The following SFMBT2 variants were observed in gnomAD, a reference collection of about 807,000 sequenced individuals.
SFMBT2 encodes the protein scm-like with four MBT domains protein 2.
A neutral mutation model predicts 110.1 loss-of-function variants in SFMBT2; 38 were observed. The ratio of observed to expected loss-of-function variants is 0.35; its 90% CI spans 0.27 to 0.45. The LOEUF (loss-of-function observed/expected upper bound fraction) is 0.45, where lower values mean the gene tolerates loss of function less well. SFMBT2 is among the 20% of genes least tolerant of loss of function. The pLI is 1.00. For synonymous variants in SFMBT2, 425 were observed against 425.4 expected (o/e 1.00, Z 0.01); for missense variants, 1,011 against 1,094.9 (o/e 0.92, Z 1.08).
rs986787219 is a variant in SFMBT2 at position 7,170,670 on chromosome 10, G to C, written c.2544+258C>G. On this transcript the variant is annotated intron_variant, in intron 20 of 20. Transcript: ENST00000397167. The surrounding 1 kb of genome is among the most constrained non-coding windows in gnomAD (Gnocchi z 4.6). ...CCACCCCTGCTGGGTGGTGTCACTAGAGCCTGGAAGAGTCACCCCTCCGCC... is the reference window on the plus strand; with the variant it reads ...CCACCCCTGCTGGGTGGTGTCACTACAGCCTGGAAGAGTCACCCCTCCGCC... 6.6e-6 allele frequency among the ~76,000 whole-genome samples: 1 copy of C among 152,070 alleles called. No homozygotes were observed. Among genetic ancestry groups the C allele is most frequent in the Non-Finnish European group, 1.5e-5 (1 of 68,006 alleles).
At chr10:7,351,224 GTGT>G (rs1326363789) in intron 4 of SFMBT2, among the ~76,000 whole-genome samples, 2 of 152,200 alleles carry the variant, frequency 1.3e-5, no homozygotes, top group South Asian at 2.1e-4. Context: ...TTAGTTTTGT[GTGT>G]TGTTGTTTTT....
intron 13 of SFMBT2, among the ~76,000 whole-genome samples, chr10:7,200,713 C>T (rs1838926461): frequency 6.6e-6 from 1 of 152,192 alleles, no homozygotes; most frequent in Admixed American, 6.5e-5. Context: ...GAGACACCTG[C>T]CCCTGAGCAG....
intron 20 of SFMBT2, among the ~76,000 whole-genome samples, chr10:7,168,706 T>C (rs915074032): frequency 2.0e-4 from 31 of 152,264 alleles, no homozygotes; most frequent in African/African-American, 7.2e-4. Flanking sequence ...TTTCAACCTA[T>C]TGCTTTAATT....
Position 7,172,271 on chromosome 10 carries a change from G to C in SFMBT2, c.2152-113C>G. On this transcript the variant is annotated intron_variant, in intron 18 of 20. Transcript: ENST00000397167. The surrounding 1 kb of genome is among the most constrained non-coding windows in gnomAD (Gnocchi z 4.6). Reference sequence around the variant, plus strand: ...ACCACCTAGCAAACCCTCGGAAATGGAGCCAGTGGTCCCACCCGTGGGCCC... The same window carrying C: ...ACCACCTAGCAAACCCTCGGAAATGCAGCCAGTGGTCCCACCCGTGGGCCC... The C allele has an allele frequency of 6.9e-7, 1 of 1,458,936 alleles. No individual in the cohort carries two copies. Among genetic ancestry groups the C allele is most frequent in the South Asian group, 1.4e-5 (1 of 70,090 alleles). The allele number at this position is 1,458,936 out of a possible 1,614,324, so 90.4% of individuals were successfully genotyped here.
At chr10:7,316,311 G>A (rs1425851908) in intron 4 of SFMBT2, among the ~76,000 whole-genome samples, 1 of 152,168 alleles carries the variant, frequency 6.6e-6, no homozygotes, top group Non-Finnish European at 1.5e-5. Flanking sequence ...TACGGCCAAG[G>A]GATCCAGCCA....
chr10:7,207,848 C>A (rs1021055551), intron 11 of SFMBT2, among the ~76,000 whole-genome samples: 11 of 152,224 alleles, frequency 7.2e-5, no homozygotes, highest in Non-Finnish European at 1.5e-5. Flanking sequence ...TGAACATGGA[C>A]AGCAGGTGCT....
chr10:7,279,320 G>GA (rs1234939715), intron 6 of SFMBT2, among the ~76,000 whole-genome samples: 1 of 152,176 alleles, frequency 6.6e-6, no homozygotes, highest in Admixed American at 6.5e-5. Context: ...AAGGTAACAA[G>GA]AAGCCCAGGT....
At chr10:7,273,635 G>A (rs1370916025) in intron 7 of SFMBT2, among the ~76,000 whole-genome samples, 1 of 152,130 alleles carries the variant, frequency 6.6e-6, no homozygotes, top group African/African-American at 2.4e-5. Context: ...CCCCACGACA[G>A]ACCCCAGTGT....
intron 4 of SFMBT2, among the ~76,000 whole-genome samples, chr10:7,341,805 A>G (rs574080225): frequency 6.6e-6 from 1 of 152,360 alleles, no homozygotes; most frequent in South Asian, 2.1e-4. Flanking sequence ...GGCTTTGAAC[A>G]GCTCATGGCT....
intron 1 of SFMBT2, among the ~76,000 whole-genome samples, chr10:7,393,174 G>A (rs1046350232): frequency 3.3e-5 from 5 of 151,418 alleles, no homozygotes; most frequent in East Asian, 1.9e-4. Flanking sequence ...GGGATTACAC[G>A]TGCATGTAAC....
intron 4 of SFMBT2, among the ~76,000 whole-genome samples, chr10:7,350,613 T>G (rs912690409): frequency 1.3e-5 from 2 of 152,224 alleles, no homozygotes; most frequent in African/African-American, 4.8e-5. Flanking sequence ...AGGCTCACTG[T>G]GTTGGTTTAC....
At chr10:7,288,855 C>A (rs989099080) in intron 4 of SFMBT2, among the ~76,000 whole-genome samples, 7 of 38,924 alleles carry the variant, frequency 1.8e-4, no homozygotes, top group Non-Finnish European at 2.9e-4. Context: ...ATGGTGAAAC[C>A]CCCCCCCCCA....
chr10:7,253,825 CAAAAAA>C lies in SFMBT2; in HGVS notation c.871-5182_871-5177del, dbSNP rs3065776. Among the ~76,000 whole-genome samples the C allele has an allele frequency of 1.1e-3, 147 of 134,052 alleles. 2 individuals carry two copies. The highest frequency in any genetic ancestry group is 3.9e-3 in the African/African-American group (141 of 35,882). 87.9% of individuals were successfully genotyped at this position (134,052 alleles called of 152,430 possible). ...TGAAAATCACTTTCTAATCAACAAC[CAAAAAA>C]AAAAAAAAAAAATCCCTCTATGACC... is the stretch of plus-strand genomic sequence containing the variant. On this transcript the variant is annotated intron_variant, in intron 7 of 20. Coordinates refer to ENST00000397167, the MANE Select transcript of SFMBT2 (RefSeq NM_001387889.1).
intron 7 of SFMBT2, among the ~76,000 whole-genome samples, chr10:7,273,781 A>T (rs1485828594): frequency 6.6e-6 from 1 of 152,166 alleles, no homozygotes; most frequent in Non-Finnish European, 1.5e-5. Flanking sequence ...CCATGTCCCA[A>T]TGTGCTGGAG....
At position 7,329,446 on chromosome 10, in the gene SFMBT2, G is replaced by A. The variant is rs536272400; in HGVS notation, c.436+38203C>T. 16 of 985,432 alleles carry A rather than the reference G, an allele frequency of 1.6e-5. No individual in the cohort carries two copies. The South Asian group carries it at 1.9e-4, about 12-fold the overall frequency. The allele number at this position is 985,432 out of a possible 1,614,324, so 61.0% of individuals were successfully genotyped here. A position where few individuals can be genotyped will look rare whatever the true frequency, so the allele number is the denominator to read the frequency against. On this transcript the variant is annotated intron_variant, in intron 4 of 20. Transcript: ENST00000397167. Reference sequence around the variant, plus strand: ...AAGACATCCCCACAACCACAAAAGCGGTGAGGGAACTGAGGAAATGTGTGT... The same window carrying A: ...AAGACATCCCCACAACCACAAAAGCAGTGAGGGAACTGAGGAAATGTGTGT...
intron 5 of SFMBT2, chr10:7,285,341 A>C (rs1842054798): frequency 6.6e-6 from 1 of 152,284 alleles, no homozygotes; most frequent in Non-Finnish European, 1.5e-5. Flanking sequence ...CCTTGGCTAC[A>C]CTGAAATACG....
At chr10:7,212,238 A>G (rs1454426008) in intron 11 of SFMBT2, among the ~76,000 whole-genome samples, 1 of 152,258 alleles carries the variant, frequency 6.6e-6, no homozygotes, top group African/African-American at 2.4e-5. Context: ...AGCTTCCAGT[A>G]TAAAAGATCT....
intron 10 of SFMBT2, 23 bp downstream of exon 10, chr10:7,227,832 T>G (rs1283197155): frequency 6.3e-7 from 1 of 1,584,792 alleles, no homozygotes; most frequent in East Asian, 2.2e-5. Context: ...TTTTAAAAAT[T>G]AGGTAAGAGA....
intron 7 of SFMBT2, 91 bp from the exon 8 acceptor site, chr10:7,248,740 G>A: frequency 9.3e-7 from 1 of 1,077,994 alleles, no homozygotes; most frequent in Non-Finnish European, 1.4e-6. Flanking sequence ...ATTTTATTGG[G>A]CAACCAAAAT....
Sources: gnomAD v4.1 joint callset for allele counts (sites outside exome capture counted in the v4.1 genomes callset) on GRCh38, gnomAD v4.1.1 for gene constraint, Gnocchi (gnomAD v3.1) non-coding constraint, MANE v1.5 for transcripts, NCBI Gene and HGNC (gene_info 2026-07-23, HGNC 2026-07-21) for gene names.